The following SEC16A variants were observed in gnomAD, a reference collection of about 807,000 sequenced individuals.
SEC16A encodes SEC16 homolog A, endoplasmic reticulum export factor.
SEC16A carries 110 observed loss-of-function variants against 221.9 expected under a neutral mutation model. That is an observed-to-expected ratio of 0.50 (90% CI 0.42 to 0.58). The LOEUF (loss-of-function observed/expected upper bound fraction) is 0.58, where lower values mean the gene tolerates loss of function less well. SEC16A is among the 20% of genes least tolerant of loss of function. The probability of loss-of-function intolerance (pLI) is 0.00; values close to 1 mark genes in which losing one functional copy is unlikely to be tolerated. For synonymous variants in SEC16A, 1,393 were observed against 1,257.7 expected, an observed-to-expected ratio of 1.11 and a Z score of -2.28; for missense variants, 3,165 against 3,097.8, an observed-to-expected ratio of 1.02 and a Z score of -0.52.
At chr9:136,460,211 C>T in intron 13 of SEC16A, 88 bp from the exon 14 acceptor site, 1 of 1,135,062 alleles carries the variant, frequency 8.8e-7, no homozygotes, top group South Asian at 1.4e-5. Context: ...GCCTGTAATC[C>T]CAGCACTTTG....
At chr9:136,482,461 C>T (rs769531526) in intron 1 of SEC16A, among the ~76,000 whole-genome samples, 1 of 152,366 alleles carries the variant, frequency 6.6e-6, no homozygotes, top group East Asian at 1.9e-4. Flanking sequence ...CACACACACT[C>T]CTCTAACCCT....
chr9:136,475,032 C>A lies in SEC16A; in HGVS notation c.2584G>T (p.Ala862Ser). ...SHEKNQSWRE[A>S]LVGDRPAVSS... is the part of the protein sequence containing the mutation. Reference sequence around the variant, plus strand: ...ACTGCAGGTCTATCCCCCACCAAAGCCTCTCTCCAGGACTGATTCTTCTCA... The same window carrying A: ...ACTGCAGGTCTATCCCCCACCAAAGACTCTCTCCAGGACTGATTCTTCTCA... The change falls in exon 3 of 32, where the codon GCT becomes TCT. Residue 862 changes from alanine (A) to serine (S), a missense_variant. This residue lies in a region of SEC16A where 2,030 missense variants were observed against 1,923.1 expected (regional missense o/e 1.06). Coordinates refer to ENST00000684901, the MANE Select transcript of SEC16A (RefSeq NM_014866.2). The surrounding 1 kb of genome is among the most constrained non-coding windows in gnomAD (Gnocchi z 5.0). The A allele has an allele frequency of 6.2e-7, 1 of 1,613,716 alleles. No individual in the cohort carries two copies. Among genetic ancestry groups the A allele is most frequent in the Non-Finnish European group, 8.5e-7 (1 of 1,179,874 alleles).
At chr9:136,462,448 T>C (rs935865704) in intron 12 of SEC16A, among the ~76,000 whole-genome samples, 2 of 152,210 alleles carry the variant, frequency 1.3e-5, no homozygotes, top group African/African-American at 4.8e-5. Context: ...GGCTGCTCTC[T>C]TGCCCATGGC....
chr9:136,467,482 C>T (rs1005938991), intron 5 of SEC16A, among the ~76,000 whole-genome samples: 1 of 152,168 alleles, frequency 6.6e-6, no homozygotes, highest in Non-Finnish European at 1.5e-5. Flanking sequence ...GCTGGGATCA[C>T]AGGTGTGAGC....
intron 8 of SEC16A, 94 bp from the exon 9 acceptor site, chr9:136,464,656 G>C (rs1179225554): frequency 9.7e-6 from 11 of 1,139,532 alleles, no homozygotes; most frequent in Non-Finnish European, 1.1e-5. Flanking sequence ...TTAAATCACA[G>C]GTTAGATTTA....
At chr9:136,467,574 TCTC>T (rs957156563) in intron 5 of SEC16A, among the ~76,000 whole-genome samples, 5 of 152,110 alleles carry the variant, frequency 3.3e-5, no homozygotes, top group African/African-American at 1.2e-4. Context: ...TACTATTTCT[TCTC>T]CTTAATGTGA....
chr9:136,468,023 G>A (rs774470177), intron 5 of SEC16A, among the ~76,000 whole-genome samples: 3 of 152,238 alleles, frequency 2.0e-5, no homozygotes, highest in Non-Finnish European at 2.9e-5. Context: ...GGTCAGGAGT[G>A]CGGGAAACAC....
chr9:136,462,759 G>A (rs1169014756), intron 12 of SEC16A, 128 bp downstream of exon 12: 21 of 1,048,692 alleles, frequency 2.0e-5, no homozygotes, highest in Middle Eastern at 2.7e-4. Context: ...AGCAAGACCC[G>A]AAGCCCCACA....
rs373101405 is a variant in SEC16A at position 136,476,171 on chromosome 9, G to A, written c.1445C>T (p.Ser482Phe). Residue 482 changes from serine to phenylalanine, a missense_variant, in exon 3 of 32, where the codon TCC becomes TTC. This residue lies in a region of SEC16A where 2,030 missense variants were observed against 1,923.1 expected (regional missense o/e 1.06). Coordinates refer to ENST00000684901, the MANE Select transcript of SEC16A (RefSeq NM_014866.2). ...PSEPLNLDPS[S>F]PSDQFRYGPL... ...CCCATATCTGAACTGGTCACTCGGGGAGGAAGGGTCCAAATTGAGGGGCTC... is the reference window on the plus strand; with the variant it reads ...CCCATATCTGAACTGGTCACTCGGGAAGGAAGGGTCCAAATTGAGGGGCTC... 6.2e-7 allele frequency: 1 copy of A among 1,613,890 alleles called. No individual in the cohort carries two copies. The highest frequency in any genetic ancestry group is 8.5e-7 in the Non-Finnish European group (1 of 1,179,892).
rs745756231 is a variant in SEC16A, at chr9:136,476,795, G to C, written c.821C>G (p.Ala274Gly). Residue 274 changes from alanine (A) to glycine (G), a missense_variant, in exon 3 of 32, where the codon GCC becomes GGC. Coordinates refer to ENST00000684901, the MANE Select transcript of SEC16A (RefSeq NM_014866.2). ...CTCGTCTCTTCCGTCACTGGGCAAG[G>C]CTGCTGGGGGAGCCACCAGAGGGCT... ...QHSPLVAPPA[A>G]LPSDGRDEVS... 5.0e-6 allele frequency: 8 copies of C among 1,611,430 alleles called. No individual in the cohort carries two copies. Among genetic ancestry groups the C allele is most frequent in the Non-Finnish European group, 6.8e-6 (8 of 1,178,296 alleles).
At chr9:136,483,741 ACG>A, upstream of SEC16A, 1 of 984,578 alleles carries the variant, frequency 1.0e-6, no homozygotes, top group South Asian at 4.7e-5. Context: ...CGGGGCCCTG[ACG>A]CGGGCGCGCT....
At chr9:136,477,708 A>C in intron 2 of SEC16A, 24 bp from the exon 3 acceptor site, 1 of 1,440,632 alleles carries the variant, frequency 6.9e-7, no homozygotes, top group Non-Finnish European at 9.1e-7. Flanking sequence ...AGAGAAAATC[A>C]GCATAAAATC....
chr9:136,478,834 T>A lies in SEC16A; in HGVS notation c.-191-4A>T, dbSNP rs780463549. Among the ~76,000 whole-genome samples, 78 of 152,178 alleles carry A rather than the reference T, an allele frequency of 5.1e-4. No individual in the cohort carries two copies. The highest frequency in any genetic ancestry group is 9.8e-4 in the Non-Finnish European group (67 of 68,032). Reference sequence around the variant, plus strand: ...GGGCAACAGAGCAAGACGGTCTCTATTTTAAAAAAATAAATAAATAAAAAG... The same window carrying A: ...GGGCAACAGAGCAAGACGGTCTCTAATTTAAAAAAATAAATAAATAAAAAG... On this transcript the variant is annotated splice_polypyrimidine_tract_variant and splice_region_variant and intron_variant, in intron 1 of 31. Transcript: ENST00000684901.
At chr9:136,470,946 C>T (rs374671357) in intron 4 of SEC16A, among the ~76,000 whole-genome samples, 8 of 152,188 alleles carry the variant, frequency 5.3e-5, no homozygotes, top group African/African-American at 1.7e-4. Context: ...CGCAGCCTAG[C>T]GCGGTGGCCA....
In SEC16A at chr9:136,447,305, G is replaced by A; in HGVS notation, c.6619C>T (p.Pro2207Ser). 1 of 1,593,270 alleles carries A rather than the reference G, an allele frequency of 6.3e-7. No individual in the cohort carries two copies. The highest frequency in any genetic ancestry group is 8.5e-7 in the Non-Finnish European group (1 of 1,170,784). ...LNPSGTQRSE[P>S]ALAPADFVAP... Reference sequence around the variant, plus strand: ...ACAAAGTCCGCAGGAGCGAGAGCCGGCTCGCTCCGCTGGGTCCCGCTTGGG... The same window carrying A: ...ACAAAGTCCGCAGGAGCGAGAGCCGACTCGCTCCGCTGGGTCCCGCTTGGG... The change falls in exon 27 of 32, where the codon CCG becomes TCG. Residue 2207 changes from proline (P) to serine (S), a missense_variant. Pro to Ser is a moderately conservative substitution (Grantham distance 74). Transcript: ENST00000684901. The surrounding 1 kb of genome is among the most constrained non-coding windows in gnomAD (Gnocchi z 5.5).
At chr9:136,451,198 C>T (rs752025589) in intron 23 of SEC16A, 58 bp downstream of exon 23, 64 of 1,547,306 alleles carry the variant, frequency 4.1e-5, no homozygotes, top group Non-Finnish European at 5.3e-5. Flanking sequence ...CTCTGGGAAG[C>T]GTGCCTCCTG....
rs916248770 is a variant in SEC16A, at chr9:136,440,575, A to G, written c.*1180T>C. 1 of 152,712 alleles carries G rather than the reference A, an allele frequency of 6.5e-6. No individual in the cohort carries two copies. The highest frequency in any genetic ancestry group is 1.5e-5 in the Non-Finnish European group (1 of 68,050). The allele number at this position is 152,712 out of a possible 1,614,324, so 9.5% of individuals were successfully genotyped here. ...TTCTTCAGTCTCTTTAGACTTGACA[A>G]GAATACGAAGAGTTTCAGAACAGTC... On this transcript the variant is annotated 3_prime_UTR_variant, in exon 32 of 32. Coordinates refer to ENST00000684901, the MANE Select transcript of SEC16A (RefSeq NM_014866.2).
rs1393862467 is a variant in SEC16A, at chr9:136,461,196, G to A, written c.4972C>T (p.His1658Tyr). Reference sequence around the variant, plus strand: ...CTGTACCTGGTCATGACTCGGGCGTGTGTCCGGCTGTCCATCTTACTTGCA... The same window carrying A: ...CTGTACCTGGTCATGACTCGGGCGTATGTCCGGCTGTCCATCTTACTTGCA... Reference protein sequence around the residue: ...LLASKMDSRTHARVMTRFANS... With the variant: ...LLASKMDSRTYARVMTRFANS... Residue 1658 changes from histidine to tyrosine, a missense_variant, in exon 13 of 32, where the codon CAC becomes TAC. His to Tyr is a moderately conservative substitution (Grantham distance 83). This residue lies in a region of SEC16A where 1,088 missense variants were observed against 1,089.6 expected (regional missense o/e 1.00). Transcript: ENST00000684901. 1 of 1,606,864 alleles carries A rather than the reference G, an allele frequency of 6.2e-7. No homozygotes were observed. The highest frequency in any genetic ancestry group is 2.2e-5 in the East Asian group (1 of 44,592).
Position 136,476,718 on chromosome 9 carries a change from T to C in SEC16A, c.898A>G (p.Ser300Gly), listed in dbSNP as rs199795346. 1.4e-4 allele frequency: 223 copies of C among 1,592,420 alleles called. No individual in the cohort carries two copies. Among genetic ancestry groups the C allele is most frequent in the Non-Finnish European group, 9.9e-5 (116 of 1,166,904 alleles). ...SHLANNSDPE[S>G]TFRQNPRIVN... ...ATTCTGGGATTTTGCCTGAATGTAC[T>C]TTCAGGATCAGAGTTATTGGCCAGG... is the stretch of plus-strand genomic sequence containing the variant. Residue 300 changes from serine to glycine, a missense_variant, in exon 3 of 32, where the codon AGT becomes GGT. By Grantham distance (56) the Ser-to-Gly change is moderately conservative (BLOSUM62 0). This residue lies in a region of SEC16A where 2,030 missense variants were observed against 1,923.1 expected (regional missense o/e 1.06). Transcript: ENST00000684901.
Sources: gnomAD v4.1 joint callset for allele counts (sites outside exome capture counted in the v4.1 genomes callset) on GRCh38, gnomAD v4.1.1 for gene constraint, gnomAD v4.1.1 regional missense constraint, Gnocchi (gnomAD v3.1) non-coding constraint, MANE v1.5 for transcripts, NCBI Gene and HGNC (gene_info 2026-07-23, HGNC 2026-07-21) for gene names.